CDH13: variants seen among roughly 807,000 people sequenced by gnomAD.
CDH13 encodes cadherin 13.
Under a neutral mutation model 63.8 loss-of-function variants are expected in CDH13, and 24 were observed. That is an observed-to-expected ratio of 0.38 (90% CI 0.27 to 0.53). The LOEUF (loss-of-function observed/expected upper bound fraction) is 0.53, where lower values mean the gene tolerates loss of function less well. CDH13 is among the 20% of genes least tolerant of loss of function. The pLI is 0.85. For missense variants in CDH13, 1,049 were observed against 903.1 expected (o/e 1.16, Z -2.07); for synonymous variants, 503 against 355.3 (o/e 1.42, Z -4.67).
intron 4 of CDH13, among the ~76,000 whole-genome samples, chr16:83,209,873 C>T (rs1219239770): frequency 6.6e-6 from 1 of 152,046 alleles, no homozygotes; most frequent in Non-Finnish European, 1.5e-5. Context: ...GCACCAAGTC[C>T]AGGAAGATGA....
chr16:83,272,028 A>G (rs1387912995), intron 5 of CDH13, among the ~76,000 whole-genome samples: 1 of 152,188 alleles, frequency 6.6e-6, no homozygotes, highest in Non-Finnish European at 1.5e-5. Context: ...TTCATCCATT[A>G]TCTCTCTTAA....
chr16:83,240,449 G>T (rs565127744), intron 5 of CDH13, among the ~76,000 whole-genome samples: 3 of 152,184 alleles, frequency 2.0e-5, no homozygotes, highest in African/African-American at 7.2e-5. Flanking sequence ...AGCCAAGCTG[G>T]AGGTTACTGA....
chr16:83,409,740 C>T (rs1380453864), intron 6 of CDH13, among the ~76,000 whole-genome samples: 2 of 152,200 alleles, frequency 1.3e-5, no homozygotes, highest in African/African-American at 4.8e-5. Flanking sequence ...TTCAGCTTTT[C>T]CCCAGAAGTG....
At chr16:83,476,095 T>A (rs773330809) in intron 6 of CDH13, among the ~76,000 whole-genome samples, 2 of 152,250 alleles carry the variant, frequency 1.3e-5, no homozygotes, top group Admixed American at 6.5e-5. Context: ...TCATCTTTTA[T>A]TTATTCACTT....
intron 1 of CDH13, among the ~76,000 whole-genome samples, chr16:82,813,744 G>A (rs74029056): frequency 0.073 from 11,033 of 152,168 alleles, 467 homozygotes; most frequent in East Asian, 0.19. Flanking sequence ...AAACTTTTGA[G>A]TTTACAACTG....
At chr16:83,494,699 A>G (rs969426925) in intron 7 of CDH13, among the ~76,000 whole-genome samples, 3 of 152,244 alleles carry the variant, frequency 2.0e-5, no homozygotes, top group Non-Finnish European at 4.4e-5. Flanking sequence ...GGCAATCAAA[A>G]GCTGCAACAC....
chr16:82,953,177 C>T (rs1905541137), intron 2 of CDH13: 1 of 152,136 alleles, frequency 6.6e-6, no homozygotes, highest in Non-Finnish European at 1.5e-5. Context: ...TCCAACCTCT[C>T]TTAGATTTGT....
chr16:83,702,255 C>T (rs1158307584), intron 10 of CDH13, among the ~76,000 whole-genome samples: 1 of 152,136 alleles, frequency 6.6e-6, no homozygotes, highest in Admixed American at 6.5e-5. Context: ...CATGAGTGTG[C>T]TAGTTAGGAT....
intron 3 of CDH13, among the ~76,000 whole-genome samples, chr16:83,104,352 A>C (rs1457952574): frequency 6.6e-6 from 1 of 152,190 alleles, no homozygotes; most frequent in Admixed American, 6.5e-5. Flanking sequence ...TGTAAACTGC[A>C]TGGTGTGGAA....
chr16:83,055,618 C>A (rs2030845529), intron 3 of CDH13, among the ~76,000 whole-genome samples: 1 of 151,778 alleles, frequency 6.6e-6, no homozygotes, highest in Non-Finnish European at 1.5e-5. Flanking sequence ...AACTCTGTAG[C>A]CTAAGATAAT....
intron 7 of CDH13, among the ~76,000 whole-genome samples, chr16:83,559,657 G>A (rs1191710024): frequency 6.6e-6 from 1 of 151,936 alleles, no homozygotes; most frequent in Non-Finnish European, 1.5e-5. Flanking sequence ...GAGGGAGCGA[G>A]GGAAGGAAAA....
chr16:83,011,478 A>G (rs892597243), intron 2 of CDH13, among the ~76,000 whole-genome samples: 3 of 152,168 alleles, frequency 2.0e-5, no homozygotes, highest in African/African-American at 7.2e-5. Context: ...CACATATGGT[A>G]ATCCCCAGGG....
intron 3 of CDH13, among the ~76,000 whole-genome samples, chr16:83,116,070 C>A (rs1377251197): frequency 6.6e-6 from 1 of 152,204 alleles, no homozygotes; most frequent in East Asian, 1.9e-4. Context: ...GCTTTTATGC[C>A]CTTGGCTGGG....
intron 8 of CDH13, among the ~76,000 whole-genome samples, chr16:83,626,867 G>C (rs145339906): frequency 2.6e-5 from 4 of 152,108 alleles, no homozygotes; most frequent in Non-Finnish European, 4.4e-5. Context: ...ATGGTCCTCC[G>C]TGATGCCGCT....
chr16:83,442,425 A>G (rs1410301131), intron 6 of CDH13, among the ~76,000 whole-genome samples: 1 of 152,220 alleles, frequency 6.6e-6, no homozygotes, highest in Non-Finnish European at 1.5e-5. Context: ...ATTAAAGAGC[A>G]CAAAGACATC....
At chr16:83,616,785 T>G (rs951534986) in intron 8 of CDH13, among the ~76,000 whole-genome samples, 1 of 152,146 alleles carries the variant, frequency 6.6e-6, no homozygotes. Flanking sequence ...TGAACAATTT[T>G]AGAAGTAAGA....
chr16:83,310,354 A>C (rs1027333133), intron 5 of CDH13, among the ~76,000 whole-genome samples: 1 of 152,248 alleles, frequency 6.6e-6, no homozygotes, highest in African/African-American at 2.4e-5. Flanking sequence ...TTGAGAACAG[A>C]AAATGAGTAG....
intron 6 of CDH13, among the ~76,000 whole-genome samples, chr16:83,461,205 G>C (rs2073173296): frequency 1.3e-5 from 2 of 151,296 alleles, no homozygotes; most frequent in African/African-American, 4.9e-5. Flanking sequence ...TGTGTATATA[G>C]GTACATATAC....
rs1443570066 is a variant in CDH13 at position 83,426,542 on chromosome 16, C to T, written c.782-59935C>T. Among the ~76,000 whole-genome samples the T allele has an allele frequency of 6.0e-5, 9 of 151,130 alleles. No homozygotes were observed. In the East Asian group the frequency reaches 1.4e-3, roughly 23 times the overall value. ...ACACACACACACACACACACACACA[C>T]ACTCATGTGGTTACCTTTTTGCCAG... On this transcript the variant is annotated intron_variant, in intron 6 of 13. Transcript: ENST00000567109.
Sources: gnomAD v4.1 joint callset for allele counts (sites outside exome capture counted in the v4.1 genomes callset) on GRCh38, gnomAD v4.1.1 for gene constraint, MANE v1.5 for transcripts, NCBI Gene and HGNC (gene_info 2026-07-23, HGNC 2026-07-21) for gene names.